The following NTNG1 variants were observed in gnomAD, a reference collection of about 807,000 sequenced individuals.
NTNG1 encodes netrin-G1.
A neutral mutation model predicts 54.0 loss-of-function variants in NTNG1; 16 were observed. The ratio of observed to expected loss-of-function variants is 0.30; its 90% CI spans 0.20 to 0.45. NTNG1 has a LOEUF of 0.45. Among genes scored for constraint, NTNG1 ranks in the 20% least tolerant of loss-of-function variants. NTNG1 has a pLI of 1.00. For missense variants in NTNG1, 530 were observed against 678.7 expected (o/e 0.78, Z 2.43); for synonymous variants, 255 against 263.1 (o/e 0.97, Z 0.30).
chr1:107,196,280 T>C (rs986285879), intron 2 of NTNG1, among the ~76,000 whole-genome samples: 1 of 152,040 alleles, frequency 6.6e-6, no homozygotes, highest in Admixed American at 6.6e-5. Context: ...GTGGGCAATT[T>C]ACCTAGGCTC....
chr1:107,341,480 T>C (rs988509093), intron 3 of NTNG1, among the ~76,000 whole-genome samples: 5 of 152,122 alleles, frequency 3.3e-5, no homozygotes, highest in African/African-American at 9.7e-5. Flanking sequence ...TTTTCTAAGA[T>C]TGGCTTCTTG....
chr1:107,421,156 G>T (rs774796372), intron 5 of NTNG1: 1 of 1,570,188 alleles, frequency 6.4e-7, no homozygotes. Flanking sequence ...AGGAATTCTT[G>T]GATTCATACA....
chr1:107,220,269 A>G (rs937960537), intron 2 of NTNG1, among the ~76,000 whole-genome samples: 1 of 152,206 alleles, frequency 6.6e-6, no homozygotes, highest in Non-Finnish European at 1.5e-5. Context: ...AATTTGCCCC[A>G]GGCACAGTTC....
intron 4 of NTNG1, among the ~76,000 whole-genome samples, chr1:107,404,624 C>T (rs1170917775): frequency 6.6e-6 from 1 of 151,864 alleles, no homozygotes; most frequent in African/African-American, 2.4e-5. Flanking sequence ...AGACATTGTC[C>T]CAGGCAGATC....
At chr1:107,207,645 A>G (rs771883095) in intron 2 of NTNG1, among the ~76,000 whole-genome samples, 2 of 152,188 alleles carry the variant, frequency 1.3e-5, no homozygotes, top group Admixed American at 6.5e-5. Context: ...TTTTCATCAT[A>G]TTCAAAATGA....
chr1:107,335,664 T>C (rs1021652051), intron 3 of NTNG1, among the ~76,000 whole-genome samples: 3 of 149,766 alleles, frequency 2.0e-5, no homozygotes, highest in African/African-American at 7.4e-5. Flanking sequence ...GTTATGATTT[T>C]CTATTTTTTT....
chr1:107,319,047 A>G (rs1014130234), intron 2 of NTNG1, among the ~76,000 whole-genome samples: 2 of 152,078 alleles, frequency 1.3e-5, no homozygotes, highest in East Asian at 1.9e-4. Context: ...CATGTCCACT[A>G]TCTTAGATTG....
intron 7 of NTNG1, among the ~76,000 whole-genome samples, chr1:107,455,249 A>G (rs907131947): frequency 5.3e-5 from 8 of 152,168 alleles, no homozygotes; most frequent in African/African-American, 1.9e-4. Context: ...TTTTTAGTGG[A>G]GACGGGGTTT....
chr1:107,450,978 A>G (rs1676584829), intron 7 of NTNG1, among the ~76,000 whole-genome samples: 1 of 152,156 alleles, frequency 6.6e-6, no homozygotes, highest in South Asian at 2.1e-4. Flanking sequence ...CAATTCATAG[A>G]GTCACCATCA....
intron 3 of NTNG1, among the ~76,000 whole-genome samples, chr1:107,389,648 A>T (rs1489439428): frequency 6.6e-6 from 1 of 152,174 alleles, no homozygotes; most frequent in Non-Finnish European, 1.5e-5. Context: ...TGCCTTAGCG[A>T]CACCCTTATT....
At chr1:107,374,193 G>T (rs1557943713) in intron 3 of NTNG1, among the ~76,000 whole-genome samples, 3 of 151,862 alleles carry the variant, frequency 2.0e-5, no homozygotes, top group Admixed American at 1.3e-4. Context: ...TGCTCGTTTG[G>T]GGCATGTTTG....
intron 5 of NTNG1, chr1:107,418,492 T>TTGTGTC (rs1380889750): frequency 2.5e-6 from 2 of 811,964 alleles, no homozygotes; most frequent in Admixed American, 5.8e-5. Context: ...GATGTGTGGT[T>TTGTGTC]TGTGTCTTTA....
At chr1:107,382,628 CT>C in intron 3 of NTNG1, among the ~76,000 whole-genome samples, 1 of 152,138 alleles carries the variant, frequency 6.6e-6, no homozygotes, top group Non-Finnish European at 1.5e-5. Flanking sequence ...CTTCATTTCT[CT>C]TTTCAGGGTT....
rs150240963 is a variant in NTNG1, at chr1:107,234,544, G to A, written c.246+85705G>A. Among the ~76,000 whole-genome samples, 311 of 152,104 alleles carry A rather than the reference G, an allele frequency of 2.0e-3. 2 individuals carry two copies. Among genetic ancestry groups the A allele is most frequent in the Non-Finnish European group, 1.3e-3 (86 of 67,998 alleles). Reference sequence around the variant, plus strand: ...ACATATGTTTCCTCTTTTGATCCACGCAGCCATTTCATGAGGTAGCTATTA... The same window carrying A: ...ACATATGTTTCCTCTTTTGATCCACACAGCCATTTCATGAGGTAGCTATTA... On this transcript the variant is annotated intron_variant, in intron 2 of 7. Coordinates refer to ENST00000370068, the MANE Select transcript of NTNG1 (RefSeq NM_001113226.3).
chr1:107,178,567 A>G (rs1656824575), intron 2 of NTNG1, among the ~76,000 whole-genome samples: 1 of 152,006 alleles, frequency 6.6e-6, no homozygotes, highest in Non-Finnish European at 1.5e-5. Context: ...GGTTCAATTA[A>G]CTTATAAAGA....
In NTNG1 at chr1:107,432,356, T is replaced by G. The variant is rs17019036; in HGVS notation, c.1255+1439T>G. ...TGTCATTGAGAAAAGTAAGGCAGAT[T>G]GACCCAAATCTTACAGCAAAGGGTT... On this transcript the variant is annotated intron_variant, in intron 6 of 7. Transcript: ENST00000370068. Among the ~76,000 whole-genome samples the G allele has an allele frequency of 5.8e-3, 885 of 152,326 alleles. 13 individuals are homozygous for G. Among genetic ancestry groups the G allele is most frequent in the African/African-American group, 0.02 (846 of 41,576 alleles).
chr1:107,277,242 T>C (rs1476416831), intron 2 of NTNG1, among the ~76,000 whole-genome samples: 3 of 152,118 alleles, frequency 2.0e-5, no homozygotes, highest in Non-Finnish European at 2.9e-5. Context: ...AGTATGGACT[T>C]CCTAGTCAAA....
chr1:107,162,914 C>A (rs1472202808), intron 2 of NTNG1, among the ~76,000 whole-genome samples: 1 of 152,054 alleles, frequency 6.6e-6, no homozygotes, highest in Admixed American at 6.6e-5. Flanking sequence ...TAACTTGTCT[C>A]CTAGATTAAA....
At chr1:107,298,185 A>G (rs765450691) in intron 2 of NTNG1, among the ~76,000 whole-genome samples, 1 of 152,200 alleles carries the variant, frequency 6.6e-6, no homozygotes, top group African/African-American at 2.4e-5. Flanking sequence ...AAAAGACCCC[A>G]AAATATTTGA....
Sources: allele counts gnomAD v4.1 joint callset (sites outside exome capture counted in the v4.1 genomes callset), GRCh38; gene constraint gnomAD v4.1.1; transcripts MANE v1.5; gene names NCBI Gene and HGNC (gene_info 2026-07-23, HGNC 2026-07-21).